The following COL4A1 variants were observed in gnomAD, a reference collection of about 807,000 sequenced individuals.
COL4A1 encodes the protein collagen alpha-1(IV) chain.
A neutral mutation model predicts 216.6 loss-of-function variants in COL4A1; 40 were observed. That is an observed-to-expected ratio of 0.18 (90% CI 0.14 to 0.24). The LOEUF (loss-of-function observed/expected upper bound fraction) is 0.24. Ranked by LOEUF, COL4A1 falls within the 10% of genes least tolerant of loss-of-function variation. The probability of loss-of-function intolerance (pLI) is 1.00; values close to 1 mark genes in which losing one functional copy is unlikely to be tolerated. For missense variants in COL4A1, 1,628 were observed against 2,196.8 expected, an observed-to-expected ratio of 0.74 and a Z score of 5.18; for synonymous variants, 839 against 810.7, an observed-to-expected ratio of 1.03 and a Z score of -0.59.
intron 1 of COL4A1, among the ~76,000 whole-genome samples, chr13:110,304,357 T>C (rs7994799): frequency 0.015 from 2,211 of 152,314 alleles, 55 homozygotes; most frequent in African/African-American, 0.052. Context: ...TGGTGACTAA[T>C]GGTCAGGAGA....
intron 2 of COL4A1, among the ~76,000 whole-genome samples, chr13:110,219,680 GTATATATA>G (rs1185464385): frequency 1.6e-5 from 1 of 61,652 alleles, no homozygotes; most frequent in East Asian, 8.8e-4. Context: ...ATATATATGT[GTATATATA>G]TGTATATATA....
intron 1 of COL4A1, among the ~76,000 whole-genome samples, chr13:110,245,328 T>A (rs1881750573): frequency 1.3e-5 from 2 of 152,192 alleles, no homozygotes; most frequent in African/African-American, 4.8e-5. Flanking sequence ...TGAGCCAAGT[T>A]TGGAAACACA....
chr13:110,186,538 T>C lies in COL4A1; in HGVS notation c.1744A>G (p.Lys582Glu). 6.2e-7 allele frequency: 1 copy of C among 1,614,002 alleles called. No individual in the cohort carries two copies. Among genetic ancestry groups the C allele is most frequent in the Admixed American group, 1.7e-5 (1 of 60,028 alleles). ...CCTCCAGGGGGGCCACGCTCTCCTT[T>C]CAATCCTACAGAACCCTGATGTGAG... ...PKGSPGSVGL[K>E]GERGPPGGVG... Residue 582 changes from lysine to glutamate, a missense_variant, in exon 26 of 52, where the codon AAA (lysine) becomes GAA (glutamate). Coordinates refer to ENST00000375820, the MANE Select transcript of COL4A1 (RefSeq NM_001845.6).
chr13:110,194,963 G>T, intron 22 of COL4A1, 60 bp downstream of exon 22: 1 of 1,487,992 alleles, frequency 6.7e-7, no homozygotes, highest in Non-Finnish European at 9.4e-7. Flanking sequence ...CGGTAAGTAT[G>T]TGGGAAAAAA....
rs778439115 is a variant in COL4A1, at chr13:110,163,446, G to C, written c.4249+17C>G. On this transcript the variant is annotated intron_variant, in intron 47 of 51. Coordinates refer to ENST00000375820, the MANE Select transcript of COL4A1 (RefSeq NM_001845.6). Reference sequence around the variant, plus strand: ...ATCCTGGTCAAGGGTAATTACGTTGGAAGTTTCGCAACCTACCAGTAGGCC... The same window carrying C: ...ATCCTGGTCAAGGGTAATTACGTTGCAAGTTTCGCAACCTACCAGTAGGCC... The C allele has an allele frequency of 2.5e-6, 4 of 1,612,918 alleles. No individual in the cohort carries two copies. Among genetic ancestry groups the C allele is most frequent in the Non-Finnish European group, 3.4e-6 (4 of 1,178,984 alleles).
At chr13:110,182,843 A>C in intron 28 of COL4A1, 150 bp downstream of exon 28, 1 of 700,318 alleles carries the variant, frequency 1.4e-6, no homozygotes, top group South Asian at 1.9e-5. Context: ...AAGCTCCTGA[A>C]ATCACTGGGC....
Position 110,207,811 on chromosome 13 carries a change from C to T in COL4A1, c.694-322G>A, listed in dbSNP as rs997704579. Among the ~76,000 whole-genome samples, 9 of 151,974 alleles carry T rather than the reference C, an allele frequency of 5.9e-5. No individual in the cohort carries two copies. The highest frequency in any genetic ancestry group is 1.5e-4 in the African/African-American group (6 of 41,354). On this transcript the variant is annotated intron_variant, in intron 12 of 51. Coordinates refer to ENST00000375820, the MANE Select transcript of COL4A1 (RefSeq NM_001845.6). This position sits in a 1 kb window ranked among gnomAD's most constrained non-coding sequence, Gnocchi z 4.4. ...TAGTGTATACTGGCTTCTGATGGCACGGAGGAAAGGAATACAAACTACCTA... is the reference window on the plus strand; with the variant it reads ...TAGTGTATACTGGCTTCTGATGGCATGGAGGAAAGGAATACAAACTACCTA...
Position 110,232,297 on chromosome 13 carries a change from C to CT in COL4A1, c.144+10377dup, listed in dbSNP as rs1881099088. ...GAGCCATCTGGTTTGCTCGTTAACT[C>CT]TGACTAATTCTTCCTTTGTTTAATT... On this transcript the variant is annotated intron_variant, in intron 2 of 51. Coordinates refer to ENST00000375820, the MANE Select transcript of COL4A1 (RefSeq NM_001845.6). Among the ~76,000 whole-genome samples the CT allele has an allele frequency of 2.0e-5, 3 of 152,254 alleles. No individual in the cohort carries two copies. In the South Asian group the frequency reaches 6.2e-4, roughly 31 times the overall value.
At chr13:110,306,497 C>T (rs1374747986) in intron 1 of COL4A1, among the ~76,000 whole-genome samples, 1 of 152,188 alleles carries the variant, frequency 6.6e-6, no homozygotes, top group Non-Finnish European at 1.5e-5. Context: ...CCCAAAGCTG[C>T]TCCCAGGGGC....
chr13:110,237,091 C>T (rs1881350097), intron 2 of COL4A1, among the ~76,000 whole-genome samples: 1 of 152,164 alleles, frequency 6.6e-6, no homozygotes, highest in Non-Finnish European at 1.5e-5. Flanking sequence ...GCAGTCCTCC[C>T]CGTCCCGACC....
chr13:110,216,279 T>G (rs890774250), intron 2 of COL4A1, among the ~76,000 whole-genome samples: 7 of 152,122 alleles, frequency 4.6e-5, no homozygotes, highest in African/African-American at 1.7e-4. Context: ...CACCCTGCAG[T>G]GATGGCCCCA....
chr13:110,175,086 C>T, intron 37 of COL4A1, 132 bp downstream of exon 37: 1 of 1,167,530 alleles, frequency 8.6e-7, no homozygotes, highest in Non-Finnish European at 1.3e-6. Flanking sequence ...GGAGAGGCGA[C>T]TTGTGCTGCC....
At chr13:110,179,734 G>C (rs949697481) in intron 29 of COL4A1, among the ~76,000 whole-genome samples, 2 of 152,152 alleles carry the variant, frequency 1.3e-5, no homozygotes, top group African/African-American at 4.8e-5. Flanking sequence ...TCTGCAGCCT[G>C]GTGCCTGTGA....
intron 9 of COL4A1, 27 bp downstream of exon 9, chr13:110,210,102 G>A (rs1381963796): frequency 6.2e-7 from 1 of 1,613,774 alleles, no homozygotes; most frequent in Non-Finnish European, 8.5e-7. Context: ...GGTGGCACAT[G>A]TTCATAATGA....
intron 24 of COL4A1, chr13:110,191,780 T>C: frequency 1.7e-6 from 1 of 596,864 alleles, no homozygotes; most frequent in Non-Finnish European, 2.9e-6. Context: ...CTGAACCTAC[T>C]GACTAACCAG....
intron 2 of COL4A1, among the ~76,000 whole-genome samples, chr13:110,234,308 T>C (rs187114152): frequency 1.2e-3 from 178 of 152,248 alleles, no homozygotes; most frequent in African/African-American, 4.0e-3. Context: ...AGAGGCTCGG[T>C]ACAGTGGCTC....
intron 2 of COL4A1, among the ~76,000 whole-genome samples, chr13:110,234,269 C>T (rs10162127): frequency 0.012 from 1,798 of 152,224 alleles, 47 homozygotes; most frequent in African/African-American, 0.04. Flanking sequence ...TCACAAAGGC[C>T]GTTCCTGGCT....
At chr13:110,230,501 G>A (rs983157178) in intron 2 of COL4A1, among the ~76,000 whole-genome samples, 1 of 151,528 alleles carries the variant, frequency 6.6e-6, no homozygotes, top group African/African-American at 2.4e-5. Flanking sequence ...GAACAGAAAG[G>A]GCAGAAATTT....
intron 10 of COL4A1, 57 bp from the exon 11 acceptor site, chr13:110,209,484 C>T (rs890552593): frequency 2.7e-5 from 33 of 1,219,914 alleles, no homozygotes; most frequent in Non-Finnish European, 3.8e-5. Context: ...AGCTTTAAGC[C>T]CTTCTTCAGG....
Sources: allele counts gnomAD v4.1 joint callset (sites outside exome capture counted in the v4.1 genomes callset), GRCh38; gene constraint gnomAD v4.1.1; non-coding constraint Gnocchi (gnomAD v3.1); transcripts MANE v1.5; gene names NCBI Gene and HGNC (gene_info 2026-07-23, HGNC 2026-07-21).